ADCY9: variants seen among roughly 807,000 people sequenced by gnomAD.
The protein encoded by ADCY9 is adenylate cyclase type 9.
ADCY9 carries 50 observed loss-of-function variants against 101.5 expected under a neutral mutation model. The ratio of observed to expected loss-of-function variants is 0.49; its 90% confidence interval spans 0.39 to 0.62. The LOEUF is 0.62. Ranked by LOEUF, ADCY9 falls within the 20% of genes least tolerant of loss-of-function variation. The probability of loss-of-function intolerance (pLI) is 0.00; values close to 1 mark genes in which losing one functional copy is unlikely to be tolerated. For missense variants in ADCY9, 1,662 were observed against 1,800.4 expected (o/e 0.92, Z 1.39); for synonymous variants, 905 against 769.3 (o/e 1.18, Z -2.92).
chr16:4,036,048 C>A (rs541444902), intron 2 of ADCY9, among the ~76,000 whole-genome samples: 3 of 149,764 alleles, frequency 2.0e-5, no homozygotes, highest in South Asian at 2.1e-4. Context: ...CCCCAGCCCC[C>A]CTCCCTTCAC....
chr16:3,956,239 C>G (rs183724653), intron 5 of ADCY9, among the ~76,000 whole-genome samples: 11 of 151,984 alleles, frequency 7.2e-5, no homozygotes, highest in Admixed American at 1.3e-4. Flanking sequence ...CCAATTGCCA[C>G]GAAAATCTCA....
chr16:3,987,013 C>T (rs972945144), intron 6 of ADCY9, among the ~76,000 whole-genome samples: 16 of 152,254 alleles, frequency 1.1e-4, no homozygotes, highest in African/African-American at 3.9e-4. Flanking sequence ...CACCCTGCCC[C>T]GGATGCGCCT....
At chr16:4,064,477 T>C (rs2056789375) in intron 2 of ADCY9, among the ~76,000 whole-genome samples, 1 of 152,118 alleles carries the variant, frequency 6.6e-6, no homozygotes, top group African/African-American at 2.4e-5. Flanking sequence ...TAAAGTGTTG[T>C]TTTTTGTTTT....
In ADCY9 at chr16:3,966,372, G is replaced by A. The variant is rs139967862; in HGVS notation, c.3465C>T (p.Asn1155=). ...MMRVVDDFNN[N]MLWFNFKLRV... is the part of the protein sequence containing the mutation. ...GGAGCTTGAAGTTGAACCACAGCAT[G>A]TTGTTGTTGAAGTCGTCCACCACGC... Residue 1155 remains asparagine (N), a synonymous_variant, in exon 11 of 11, where the codon AAC becomes AAT. Coordinates refer to ENST00000294016, the MANE Select transcript of ADCY9 (RefSeq NM_001116.4). The A allele has an allele frequency of 1.9e-6, 3 of 1,613,964 alleles. No individual in the cohort carries two copies. Among genetic ancestry groups the A allele is most frequent in the Non-Finnish European group, 1.7e-6 (2 of 1,180,038 alleles).
chr16:4,114,836 C>T lies in ADCY9; in HGVS notation c.607G>A (p.Asp203Asn), dbSNP rs143296765. The stretch of plus-strand genomic sequence containing the variant: ...GCTGTGGCCGTAAGGTTGGAGCTGT[C>T]GCCGCGTCCTGAGACAGGCGTCAAG... ...QVLTPVSGRG[D>N]SSNLTATARP... The change falls in exon 2 of 11, where the codon GAC (aspartate) becomes AAC (asparagine). Residue 203 changes from aspartate (D) to asparagine (N), a missense_variant. By Grantham distance (23) the Asp-to-Asn change is conservative. Around this residue, in one of 5 missense-constraint regions of ADCY9, gnomAD observed 422 missense variants for 392.0 expected, o/e 1.08. Coordinates refer to ENST00000294016, the MANE Select transcript of ADCY9 (RefSeq NM_001116.4). This position sits in a 1 kb window ranked among gnomAD's most constrained non-coding sequence, Gnocchi z 4.3. 9 of 1,613,480 alleles carry T rather than the reference C, an allele frequency of 5.6e-6. No homozygotes were observed. The highest frequency in any genetic ancestry group is 1.3e-5 in the African/African-American group (1 of 75,064).
Position 3,966,473 on chromosome 16 carries a change from T to C in ADCY9, c.3364A>G (p.Thr1122Ala). ...TGGCTGCCGTCCTGGGCCTGCGCGG[T>C]GTTCAGCCCTGACGCCGCCATGTAC... is the stretch of plus-strand genomic sequence containing the variant. ...ATYMAASGLN[T>A]AQAQDGSHPQ... The change falls in exon 11 of 11, where the codon ACC (threonine) becomes GCC (alanine). Residue 1122 changes from threonine (T) to alanine (A), a missense_variant. By Grantham distance (58) the Thr-to-Ala change is moderately conservative (BLOSUM62 0). Transcript: ENST00000294016. 1 of 1,614,106 alleles carries C rather than the reference T, an allele frequency of 6.2e-7. No individual in the cohort carries two copies. Among genetic ancestry groups the C allele is most frequent in the South Asian group, 1.1e-5 (1 of 91,082 alleles).
intron 2 of ADCY9, among the ~76,000 whole-genome samples, chr16:4,033,689 A>G (rs2056571567): frequency 6.6e-6 from 1 of 152,204 alleles, no homozygotes; most frequent in Non-Finnish European, 1.5e-5. Flanking sequence ...TGCTGGGATT[A>G]CAGGCATGAG....
At chr16:4,042,893 ACTT>A (rs777351344) in intron 2 of ADCY9, among the ~76,000 whole-genome samples, 11 of 152,284 alleles carry the variant, frequency 7.2e-5, no homozygotes, top group Admixed American at 1.3e-4. Context: ...AAGTTCCTAA[ACTT>A]CTCTGTGCTT....
chr16:4,092,039 C>T (rs890871457), intron 2 of ADCY9, among the ~76,000 whole-genome samples: 6 of 152,218 alleles, frequency 3.9e-5, no homozygotes, highest in African/African-American at 1.4e-4. Context: ...GAGGCCGAGG[C>T]GGGCAGATCA....
chr16:4,113,298 G>A (rs1235957593), intron 2 of ADCY9, among the ~76,000 whole-genome samples: 1 of 152,134 alleles, frequency 6.6e-6, no homozygotes, highest in Non-Finnish European at 1.5e-5. Flanking sequence ...AGCAAAGTGA[G>A]GCCTAGAGAG....
chr16:3,992,257 T>G lies in ADCY9; in HGVS notation c.2096A>C (p.Lys699Thr). ...QTSLCEILQE[K>T]GRWAGVSLDQ... ...CAGGCTCACCCCTGCCCACCTTCCC[T>G]TCTCCTGCAAGATCTCACACAGAGA... Residue 699 changes from lysine to threonine, a missense_variant, in exon 5 of 11, where the codon AAG (lysine) becomes ACG (threonine). Transcript: ENST00000294016. This position sits in a 1 kb window ranked among gnomAD's most constrained non-coding sequence, Gnocchi z 4.2. The G allele has an allele frequency of 6.2e-7, 1 of 1,614,164 alleles. No homozygotes were observed. Among genetic ancestry groups the G allele is most frequent in the Non-Finnish European group, 8.5e-7 (1 of 1,180,030 alleles).
At chr16:3,961,156 C>T (rs1390947391), downstream of ADCY9, among the ~76,000 whole-genome samples, 1 of 152,122 alleles carries the variant, frequency 6.6e-6, no homozygotes, top group Non-Finnish European at 1.5e-5. Flanking sequence ...AGTAGAAAGA[C>T]CCACGTTCTG....
At chr16:3,970,383 A>C (rs2056040183) in intron 10 of ADCY9, among the ~76,000 whole-genome samples, 1 of 151,822 alleles carries the variant, frequency 6.6e-6, no homozygotes, top group South Asian at 2.1e-4. Context: ...GCTGGAGTGC[A>C]ATGGCGCGAC....
At chr16:4,021,499 C>T (rs2141739697) in intron 2 of ADCY9, among the ~76,000 whole-genome samples, 1 of 152,316 alleles carries the variant, frequency 6.6e-6, no homozygotes, top group South Asian at 2.1e-4. Flanking sequence ...ATCCCCTCAC[C>T]ATCTACCGGC....
At position 4,115,199 on chromosome 16, in the gene ADCY9, G is replaced by C. The variant is rs768406341; in HGVS notation, c.244C>G (p.Leu82Val). ...RLRRQKKLPQ[L>V]FERASSRWWD... ...CAGCGGCTGGAGGCCCTCTCGAACA[G>C]CTGGGGCAGCTTCTTCTGCCTGCGC... Residue 82 changes from leucine (L) to valine (V), a missense_variant, in exon 2 of 11, where the codon CTG becomes GTG. Coordinates refer to ENST00000294016, the MANE Select transcript of ADCY9 (RefSeq NM_001116.4). This position sits in a 1 kb window ranked among gnomAD's most constrained non-coding sequence, Gnocchi z 6.2. 5 of 1,613,672 alleles carry C rather than the reference G, an allele frequency of 3.1e-6. No individual in the cohort carries two copies. The Admixed American group carries it at 8.3e-5, about 27-fold the overall frequency.
intron 2 of ADCY9, among the ~76,000 whole-genome samples, chr16:4,045,538 TGA>T (rs1408718149): frequency 1.5e-5 from 2 of 131,424 alleles, no homozygotes; most frequent in Non-Finnish European, 3.1e-5. Flanking sequence ...GAGGTTGCAG[TGA>T]GCTGAGATCG....
intron 2 of ADCY9, among the ~76,000 whole-genome samples, chr16:4,027,651 C>T (rs552837373): frequency 6.6e-6 from 1 of 150,762 alleles, no homozygotes; most frequent in East Asian, 1.9e-4. Flanking sequence ...CCGAGGTGGG[C>T]ATATCACCTG....
At chr16:4,042,860 C>CGGTT (rs2056636633) in intron 2 of ADCY9, among the ~76,000 whole-genome samples, 1 of 152,210 alleles carries the variant, frequency 6.6e-6, no homozygotes, top group African/African-American at 2.4e-5. Context: ...GGTCTGCTAA[C>CGGTT]TTATCAACTG....
At chr16:4,083,101 T>A (rs1445150950) in intron 2 of ADCY9, among the ~76,000 whole-genome samples, 2 of 152,236 alleles carry the variant, frequency 1.3e-5, no homozygotes, top group Non-Finnish European at 2.9e-5. Context: ...CACCTCTGAA[T>A]TAATCAACCC....
Sources: allele counts gnomAD v4.1 joint callset (sites outside exome capture counted in the v4.1 genomes callset), GRCh38; gene constraint gnomAD v4.1.1; regional missense constraint gnomAD v4.1.1; non-coding constraint Gnocchi (gnomAD v3.1); transcripts MANE v1.5; gene names NCBI Gene and HGNC (gene_info 2026-07-23, HGNC 2026-07-21).